Variants in MGRN1 observed in about 807,000 individuals in gnomAD.
MGRN1 encodes the protein E3 ubiquitin-protein ligase MGRN1.
MGRN1 carries 29 observed loss-of-function variants against 69.2 expected under a neutral mutation model. The observed-to-expected ratio is 0.42, with a 90% CI of 0.31 to 0.57. The LOEUF (loss-of-function observed/expected upper bound fraction) is 0.57, where lower values mean the gene tolerates loss of function less well. Among genes scored for constraint, MGRN1 ranks in the 20% least tolerant of loss-of-function variants. MGRN1 has a pLI of 0.15. For missense variants in MGRN1, 998 were observed against 796.2 expected (o/e 1.25, Z -3.05); for synonymous variants, 470 against 344.2 (o/e 1.37, Z -4.04).
At chr16:4,665,362 C>CTTTT (rs373526884) in intron 7 of MGRN1, among the ~76,000 whole-genome samples, 1 of 141,670 alleles carries the variant, frequency 7.1e-6, no homozygotes, top group Non-Finnish European at 1.5e-5. Context: ...TTAGCATTTC[C>CTTTT]TTTTTTTTTT....
At chr16:4,629,622 C>A (rs969485607) in intron 1 of MGRN1, among the ~76,000 whole-genome samples, 4 of 151,514 alleles carry the variant, frequency 2.6e-5, no homozygotes, top group African/African-American at 9.7e-5. Flanking sequence ...ACCTGTAGTC[C>A]CAGCTGCTCA....
chr16:4,657,129 G>GA, intron 4 of MGRN1, 117 bp from the exon 5 acceptor site: 1 of 972,198 alleles, frequency 1.0e-6, no homozygotes, highest in Non-Finnish European at 1.6e-6. Flanking sequence ...TTCCCCATGA[G>GA]AGAGGGTCCC....
At chr16:4,657,482 G>A (rs1180294049) in intron 5 of MGRN1, 119 bp downstream of exon 5, 3 of 964,412 alleles carry the variant, frequency 3.1e-6, no homozygotes, top group Non-Finnish European at 4.8e-6. Context: ...TAAGACCTGG[G>A]AACGGCCGCC....
Position 4,683,190 on chromosome 16 carries a change from T to G in MGRN1, c.1483-34T>G, listed in dbSNP as rs1363917736. On this transcript the variant is annotated intron_variant, in intron 14 of 16. Transcript: ENST00000262370. ...TCCTGGAGCGGTGGCCGCGGCTCTCTGAGCTCTAGGCTACTTTCCCCTTTG... is the reference window on the plus strand; with the variant it reads ...TCCTGGAGCGGTGGCCGCGGCTCTCGGAGCTCTAGGCTACTTTCCCCTTTG... 4 of 1,612,158 alleles carry G rather than the reference T, an allele frequency of 2.5e-6. No individual in the cohort carries two copies. In the East Asian group the frequency reaches 8.9e-5, roughly 36 times the overall value.
At chr16:4,657,802 G>T (rs1338166045) in intron 5 of MGRN1, among the ~76,000 whole-genome samples, 1 of 134,130 alleles carries the variant, frequency 7.5e-6, no homozygotes, top group Non-Finnish European at 1.5e-5. Flanking sequence ...CTGCAGTGCA[G>T]TGGCGCGATC....
chr16:4,664,699 C>A lies in MGRN1; in HGVS notation c.562-10C>A, dbSNP rs1180005408. ...TGGGTCCTGACCATTCTTGGCAACT[C>A]TCTCCTCAGCTGAACTTTGACCTGG... is the stretch of plus-strand genomic sequence containing the variant. On this transcript the variant is annotated splice_polypyrimidine_tract_variant and intron_variant, in intron 5 of 16. Transcript: ENST00000262370. 3.1e-6 allele frequency: 5 copies of A among 1,614,188 alleles called. No individual in the cohort carries two copies. Among genetic ancestry groups the A allele is most frequent in the East Asian group, 2.2e-5 (1 of 44,878 alleles).
Position 4,652,798 on chromosome 16 carries a change from G to T in MGRN1, c.417G>T (p.Ser139=). 1 of 1,610,368 alleles carries T rather than the reference G, an allele frequency of 6.2e-7. No individual in the cohort carries two copies. The highest frequency in any genetic ancestry group is 8.5e-7 in the Non-Finnish European group (1 of 1,178,344). The change falls in exon 4 of 17, where the codon TCG becomes TCT. Residue 139 remains serine, a synonymous_variant. Transcript: ENST00000262370. ...CCATCACCATCTACTGCCAGGCATC[G>T]GAGGAGTTCCTGAACGGCAGGGCAG... ...RVAITIYCQA[S]EEFLNGRAVY... is the part of the protein sequence containing the mutation.
At chr16:4,684,433 C>G (rs543460280) in intron 16 of MGRN1, among the ~76,000 whole-genome samples, 5 of 152,168 alleles carry the variant, frequency 3.3e-5, no homozygotes, top group Admixed American at 1.3e-4. Context: ...TGCTGGGTAG[C>G]GGGGGCCCTG....
chr16:4,648,793 G>C (rs1200588270), intron 1 of MGRN1, among the ~76,000 whole-genome samples: 5 of 128,794 alleles, frequency 3.9e-5, no homozygotes, highest in Non-Finnish European at 8.2e-5. Context: ...TGGTCACCCG[G>C]GTCCTCCTCC....
chr16:4,625,428 A>C (rs1281064539), intron 1 of MGRN1, among the ~76,000 whole-genome samples: 1 of 151,796 alleles, frequency 6.6e-6, no homozygotes, highest in Non-Finnish European at 1.5e-5. Flanking sequence ...CATCAGATTG[A>C]CCTCACCGCG....
At chr16:4,679,932 G>T in intron 11 of MGRN1, 100 bp from the exon 12 acceptor site, 3 of 1,136,468 alleles carry the variant, frequency 2.6e-6, no homozygotes, top group South Asian at 1.3e-5. Context: ...GAAGTTCTGC[G>T]CCACGGTGTG....
chr16:4,635,937 T>A (rs60441108), intron 1 of MGRN1, among the ~76,000 whole-genome samples: 3 of 150,494 alleles, frequency 2.0e-5, no homozygotes, highest in Non-Finnish European at 4.4e-5. Context: ...GTGACTACCG[T>A]GCCCGGCCTC....
chr16:4,625,529 G>T (rs1419431078), intron 1 of MGRN1, among the ~76,000 whole-genome samples: 1 of 152,238 alleles, frequency 6.6e-6, no homozygotes, highest in Non-Finnish European at 1.5e-5. Context: ...GAGGCTCTTG[G>T]TGTGTGGGTT....
chr16:4,669,940 A>C (rs963670587), intron 8 of MGRN1, among the ~76,000 whole-genome samples: 1 of 151,150 alleles, frequency 6.6e-6, no homozygotes, highest in Non-Finnish European at 1.5e-5. Flanking sequence ...GAGATGTCCT[A>C]GGCCACAGCT....
intron 10 of MGRN1, among the ~76,000 whole-genome samples, chr16:4,676,750 G>A (rs907518715): frequency 2.0e-5 from 3 of 152,198 alleles, no homozygotes; most frequent in African/African-American, 7.2e-5. Context: ...GCCCTTGTGT[G>A]AGCAGGACTG....
Position 4,671,598 on chromosome 16 carries a change from A to G in MGRN1, c.795+139A>G, listed in dbSNP as rs890092857. 8 of 729,976 alleles carry G rather than the reference A, an allele frequency of 1.1e-5. No homozygotes were observed. In the Admixed American group the frequency reaches 1.3e-4, roughly 12 times the overall value. The allele number at this position is 729,976 out of a possible 1,614,324, so 45.2% of individuals were successfully genotyped here. On this transcript the variant is annotated intron_variant, in intron 9 of 16. Transcript: ENST00000262370. ...CGCTAGACAACATCATTTTTCCTTA[A>G]TTTTTTTTAAAGCTAACAGTTTAGG... is the stretch of plus-strand genomic sequence containing the variant.
At chr16:4,662,584 G>A (rs2078707717) in intron 5 of MGRN1, among the ~76,000 whole-genome samples, 1 of 152,096 alleles carries the variant, frequency 6.6e-6, no homozygotes, top group East Asian at 1.9e-4. Context: ...CAGTGTCTCT[G>A]TGCTGGGTCT....
At chr16:4,657,765 T>TTG (rs2078581643) in intron 5 of MGRN1, among the ~76,000 whole-genome samples, 2 of 134,344 alleles carry the variant, frequency 1.5e-5, no homozygotes, top group Admixed American at 7.3e-5. Flanking sequence ...TTTTTTTTTT[T>TTG]GAGACAGTCT....
intron 16 of MGRN1, among the ~76,000 whole-genome samples, chr16:4,685,211 G>A (rs1246824819): frequency 1.3e-5 from 2 of 152,134 alleles, no homozygotes; most frequent in Non-Finnish European, 2.9e-5. Context: ...AACTTGGGGG[G>A]TGATCGGGGA....
Sources: allele counts gnomAD v4.1 joint callset (sites outside exome capture counted in the v4.1 genomes callset), GRCh38; gene constraint gnomAD v4.1.1; transcripts MANE v1.5; gene names NCBI Gene and HGNC (gene_info 2026-07-23, HGNC 2026-07-21).